CACHD1: variants seen among roughly 807,000 people sequenced by gnomAD.
CACHD1 encodes the protein VWFA and cache domain-containing protein 1.
In CACHD1, 71 loss-of-function variants were observed where a neutral mutation model predicts 138.7. The observed-to-expected ratio is 0.51, with a 90% confidence interval of 0.42 to 0.62. CACHD1 has a LOEUF of 0.62. Ranked by LOEUF, CACHD1 falls within the 20% of genes least tolerant of loss-of-function variation. The pLI is 0.00. For missense variants in CACHD1, 1,389 were observed against 1,625.3 expected (o/e 0.85, Z 2.50); for synonymous variants, 578 against 591.5 (o/e 0.98, Z 0.33).
intron 3 of CACHD1, among the ~76,000 whole-genome samples, chr1:64,589,232 T>A (rs1245050112): frequency 2.0e-5 from 3 of 152,174 alleles, no homozygotes; most frequent in Admixed American, 2.0e-4. Context: ...GGAAGGCAGA[T>A]AGGACTCATC....
chr1:64,603,911 C>G (rs1570408398), intron 4 of CACHD1, among the ~76,000 whole-genome samples: 1 of 152,118 alleles, frequency 6.6e-6, no homozygotes, highest in Non-Finnish European at 1.5e-5. Context: ...AGAAATAATA[C>G]CATCTCCAAT....
intron 25 of CACHD1, among the ~76,000 whole-genome samples, 199 bp downstream of exon 25, chr1:64,681,534 T>G (rs574565230): frequency 1.0e-3 from 143 of 142,940 alleles, no homozygotes; most frequent in Middle Eastern, 3.4e-3. Flanking sequence ...TCAAAAGATT[T>G]TATTGTGTTT....
intron 1 of CACHD1, among the ~76,000 whole-genome samples, chr1:64,512,596 C>T (rs1334662532): frequency 6.6e-6 from 1 of 152,072 alleles, no homozygotes; most frequent in Non-Finnish European, 1.5e-5. Flanking sequence ...CACACCCCTG[C>T]CAATTTCGGG....
intron 22 of CACHD1, 101 bp from the exon 23 acceptor site, chr1:64,678,058 G>C: frequency 8.2e-7 from 1 of 1,213,798 alleles, no homozygotes; most frequent in Non-Finnish European, 1.1e-6. Context: ...CACAGCACTA[G>C]TAAGTAATGG....
intron 1 of CACHD1, among the ~76,000 whole-genome samples, chr1:64,525,944 A>G (rs114783877): frequency 6.6e-6 from 1 of 152,312 alleles, no homozygotes; most frequent in Non-Finnish European, 1.5e-5. Context: ...TTGCTTTTAA[A>G]TGGACAGATG....
rs1320935973 is a variant in CACHD1, at chr1:64,641,925, T to G, written c.1112T>G (p.Phe371Cys). 1 of 1,606,644 alleles carries G rather than the reference T, an allele frequency of 6.2e-7. No individual in the cohort carries two copies. The highest frequency in any genetic ancestry group is 2.2e-5 in the East Asian group (1 of 44,528). ...TLQVINEENS[F>C]LNNSVMILTY... ...CAAGTCATCAATGAAGAAAATAGCTTTCTAAACAACTCTGTAATGATTCTC... is the reference window on the plus strand; with the variant it reads ...CAAGTCATCAATGAAGAAAATAGCTGTCTAAACAACTCTGTAATGATTCTC... Residue 371 changes from phenylalanine to cysteine, a missense_variant, in exon 8 of 27, where the codon TTT becomes TGT. By Grantham distance (205) the Phe-to-Cys change is radical. Around this residue, in one of 5 missense-constraint regions of CACHD1, gnomAD observed 1,000 missense variants for 1,114.7 expected, o/e 0.90. Coordinates refer to ENST00000651257, the MANE Select transcript of CACHD1 (RefSeq NM_020925.4).
intron 2 of CACHD1, among the ~76,000 whole-genome samples, chr1:64,552,856 C>T (rs575483163): frequency 1.3e-5 from 2 of 152,334 alleles, no homozygotes; most frequent in East Asian, 1.9e-4. Flanking sequence ...CTCTGCTAAA[C>T]TGTCTTTATC....
chr1:64,503,627 T>C (rs1030702810), intron 1 of CACHD1, among the ~76,000 whole-genome samples: 1 of 152,226 alleles, frequency 6.6e-6, no homozygotes, highest in Non-Finnish European at 1.5e-5. Context: ...AAAGTTTTGT[T>C]TAACTCATGT....
At chr1:64,549,801 TTTA>T (rs1646745567) in intron 1 of CACHD1, among the ~76,000 whole-genome samples, 8 of 150,762 alleles carry the variant, frequency 5.3e-5, no homozygotes, top group Admixed American at 1.3e-4. Flanking sequence ...TTTTATTTTT[TTTA>T]TTTTTTTGCT....
At chr1:64,489,770 C>G (rs1427041211) in intron 1 of CACHD1, among the ~76,000 whole-genome samples, 1 of 152,156 alleles carries the variant, frequency 6.6e-6, no homozygotes, top group African/African-American at 2.4e-5. Flanking sequence ...ATTTTATACT[C>G]TACTCCTCAC....
chr1:64,687,302 G>C (rs532027388), intron 26 of CACHD1, among the ~76,000 whole-genome samples: 1 of 152,260 alleles, frequency 6.6e-6, no homozygotes, highest in Non-Finnish European at 1.5e-5. Context: ...ATACGAAAAT[G>C]TGTTTGTCTT....
At chr1:64,536,879 A>C (rs1646636754) in intron 1 of CACHD1, among the ~76,000 whole-genome samples, 1 of 152,174 alleles carries the variant, frequency 6.6e-6, no homozygotes, top group Non-Finnish European at 1.5e-5. Flanking sequence ...GGTGGCTATG[A>C]TAAATCTATT....
chr1:64,642,356 A>G (rs992927835), intron 8 of CACHD1, among the ~76,000 whole-genome samples: 6 of 152,006 alleles, frequency 3.9e-5, no homozygotes, highest in African/African-American at 7.2e-5. Context: ...GCACAACCCA[A>G]TCTGTGAATA....
rs11809551 is a variant in CACHD1 at position 64,685,293 on chromosome 1, A to G, written c.3586+3187A>G. ...AGCCTAGAAGAATAGGCTATGCCATATAGCCGAGGTGTGTAGTAGGCTGTA... is the reference window on the plus strand; with the variant it reads ...AGCCTAGAAGAATAGGCTATGCCATGTAGCCGAGGTGTGTAGTAGGCTGTA... On this transcript the variant is annotated intron_variant, in intron 26 of 26. Coordinates refer to ENST00000651257, the MANE Select transcript of CACHD1 (RefSeq NM_020925.4). Among the ~76,000 whole-genome samples, 1,501 of 152,298 alleles carry G rather than the reference A, an allele frequency of 9.9e-3. 14 individuals are homozygous for G. The highest frequency in any genetic ancestry group is 0.035 in the African/African-American group (1,439 of 41,570).
At chr1:64,638,544 T>G (rs1338490385) in intron 7 of CACHD1, among the ~76,000 whole-genome samples, 2 of 152,218 alleles carry the variant, frequency 1.3e-5, no homozygotes, top group Non-Finnish European at 2.9e-5. Flanking sequence ...TGGAGTTGTT[T>G]CTTCTGAATT....
In CACHD1 at chr1:64,652,279, G is replaced by T; in HGVS notation, c.1509G>T (p.Leu503Phe). Residue 503 changes from leucine (L) to phenylalanine (F), a missense_variant, in exon 10 of 27, where the codon TTG becomes TTT. Transcript: ENST00000651257. ...ACGTGACGTATTACCAAGACTCTTT[G>T]GCTTCCTATACTTTTCTCATAGACG... ...LEDVTYYQDS[L>F]ASYTFLIDDK... 6.2e-7 allele frequency: 1 copy of T among 1,612,598 alleles called. No individual in the cohort carries two copies. Among genetic ancestry groups the T allele is most frequent in the Non-Finnish European group, 8.5e-7 (1 of 1,179,442 alleles).
At chr1:64,662,719 G>C (rs1649483899) in intron 13 of CACHD1, among the ~76,000 whole-genome samples, 1 of 152,186 alleles carries the variant, frequency 6.6e-6, no homozygotes, top group Non-Finnish European at 1.5e-5. Flanking sequence ...GTTCTGCACT[G>C]TGATTCACTG....
chr1:64,625,788 A>T (rs749493296), intron 4 of CACHD1, among the ~76,000 whole-genome samples: 2 of 152,196 alleles, frequency 1.3e-5, no homozygotes, highest in Admixed American at 6.5e-5. Context: ...AAAATTTTTT[A>T]AAGTGTTCCT....
intron 1 of CACHD1, among the ~76,000 whole-genome samples, chr1:64,536,080 G>A (rs1463854776): frequency 1.3e-5 from 2 of 152,118 alleles, no homozygotes; most frequent in Non-Finnish European, 2.9e-5. Flanking sequence ...CCTATATAAA[G>A]TGTACAATTC....
Sources: allele counts gnomAD v4.1 joint callset (sites outside exome capture counted in the v4.1 genomes callset), GRCh38; gene constraint gnomAD v4.1.1; regional missense constraint gnomAD v4.1.1; transcripts MANE v1.5; gene names NCBI Gene and HGNC (gene_info 2026-07-23, HGNC 2026-07-21).